CSMD1: variants seen among roughly 807,000 people sequenced by gnomAD.
CSMD1 encodes CUB and sushi domain-containing protein 1.
CSMD1 carries 213 observed loss-of-function variants against 417.5 expected under a neutral mutation model. The ratio of observed to expected loss-of-function variants is 0.51; its 90% CI spans 0.46 to 0.57. The LOEUF (loss-of-function observed/expected upper bound fraction) is 0.57, where lower values mean the gene tolerates loss of function less well. Ranked by LOEUF, CSMD1 falls within the 20% of genes least tolerant of loss-of-function variation. The probability of loss-of-function intolerance (pLI) is 0.00; values close to 1 mark genes in which losing one functional copy is unlikely to be tolerated. For missense variants in CSMD1, 6,923 were observed against 4,529.7 expected, an observed-to-expected ratio of 1.53 and a Z score of -15.17; for synonymous variants, 2,862 against 1,736.8, an observed-to-expected ratio of 1.65 and a Z score of -16.11.
At chr8:4,229,446 T>G (rs530634547) in intron 3 of CSMD1, among the ~76,000 whole-genome samples, 1 of 152,296 alleles carries the variant, frequency 6.6e-6, no homozygotes, top group East Asian at 1.9e-4. Context: ...TCAACAACCT[T>G]ACAGAAGACC....
chr8:3,187,947 C>A lies in CSMD1; in HGVS notation c.5542G>T (p.Ala1848Ser). ...SGIQIQVISF[A>S]TEQNWDSLEI... ...AGGGAGTCCCAGTTCTGCTCCGTGG[C>A]AAAACTGATCACTTGGATCTACCAA... The change falls in exon 36 of 70, where the codon GCC becomes TCC. Residue 1848 changes from alanine (A) to serine (S), a missense_variant. Transcript: ENST00000635120. 1 of 1,612,718 alleles carries A rather than the reference C, an allele frequency of 6.2e-7. No individual in the cohort carries two copies. Among genetic ancestry groups the A allele is most frequent in the Non-Finnish European group, 8.5e-7 (1 of 1,179,474 alleles).
chr8:4,787,156 T>C (rs529156590), intron 1 of CSMD1, among the ~76,000 whole-genome samples: 1 of 152,024 alleles, frequency 6.6e-6, no homozygotes, highest in Non-Finnish European at 1.5e-5. Context: ...CCCCTCCGGG[T>C]TCGGCCGCTG....
intron 51 of CSMD1, among the ~76,000 whole-genome samples, chr8:3,020,213 C>A (rs1403038226): frequency 6.6e-6 from 1 of 152,192 alleles, no homozygotes; most frequent in African/African-American, 2.4e-5. Context: ...CAAACGGAAG[C>A]CATCCCTCGC....
rs1054656347 is a variant in CSMD1 at position 4,260,065 on chromosome 8, C to T, written c.415+159888G>A. 9.9e-5 allele frequency among the ~76,000 whole-genome samples: 15 copies of T among 151,304 alleles called. 1 individual carries two copies. Among genetic ancestry groups the T allele is most frequent in the South Asian group, 2.1e-4 (1 of 4,786 alleles). On this transcript the variant is annotated intron_variant, in intron 3 of 69. Coordinates refer to ENST00000635120, the MANE Select transcript of CSMD1 (RefSeq NM_033225.6). ...CACATACTTGAAAGGGAAGTGTTGT[C>T]TTAGAGATCACAAACATCCATTTTA...
intron 21 of CSMD1, among the ~76,000 whole-genome samples, chr8:3,354,889 G>C (rs34438895): frequency 0.59 from 82,540 of 140,192 alleles, 26,235 homozygotes; most frequent in Non-Finnish European, 0.68. Context: ...CTATAGATAT[G>C]TCTATCTATA....
intron 2 of CSMD1, among the ~76,000 whole-genome samples, chr8:4,498,141 C>T (rs981349513): frequency 6.6e-6 from 1 of 152,132 alleles, no homozygotes; most frequent in African/African-American, 2.4e-5. Flanking sequence ...CTTAAAGTAA[C>T]CTAATCGGGG....
intron 18 of CSMD1, among the ~76,000 whole-genome samples, chr8:3,382,104 C>G (rs1017227822): frequency 2.0e-5 from 3 of 151,900 alleles, no homozygotes; most frequent in Non-Finnish European, 2.9e-5. Flanking sequence ...CTAAAAAATA[C>G]AAAAATTAGC....
At position 3,263,917 on chromosome 8, in the gene CSMD1, T is replaced by C. The variant is rs117675327; in HGVS notation, c.4153+20227A>G. On this transcript the variant is annotated intron_variant, in intron 26 of 69. Coordinates refer to ENST00000635120, the MANE Select transcript of CSMD1 (RefSeq NM_033225.6). ...TTTAAAGTTATTTTAAAAACACTTT[T>C]TACCTAATGGTAACGCTAACATTTA... 5.5e-3 allele frequency among the ~76,000 whole-genome samples: 833 copies of C among 152,338 alleles called. 2 individuals are homozygous for C. The highest frequency in any genetic ancestry group is 9.4e-3 in the Non-Finnish European group (641 of 68,028).
chr8:4,834,457 G>A (rs542433441), intron 1 of CSMD1, among the ~76,000 whole-genome samples: 10 of 152,308 alleles, frequency 6.6e-5, no homozygotes, highest in African/African-American at 2.4e-4. Flanking sequence ...ACATGCCCAT[G>A]TATTCACGCA....
chr8:4,189,475 T>C (rs1563246373), intron 3 of CSMD1, among the ~76,000 whole-genome samples: 1 of 152,138 alleles, frequency 6.6e-6, no homozygotes, highest in South Asian at 2.1e-4. Flanking sequence ...AAAAACAAAA[T>C]TTTTCCGCTA....
chr8:3,091,996 G>C (rs1814979921), intron 47 of CSMD1, among the ~76,000 whole-genome samples: 1 of 152,104 alleles, frequency 6.6e-6, no homozygotes, highest in South Asian at 2.1e-4. Flanking sequence ...CAGGAAAATA[G>C]AAACTTTCAT....
At chr8:3,819,428 A>G (rs1310104008) in intron 5 of CSMD1, among the ~76,000 whole-genome samples, 1 of 152,150 alleles carries the variant, frequency 6.6e-6, no homozygotes, top group Non-Finnish European at 1.5e-5. Flanking sequence ...AACAAGGTAA[A>G]GAAAGTTGGA....
chr8:3,722,769 T>C (rs985314208), intron 6 of CSMD1, among the ~76,000 whole-genome samples: 3 of 152,214 alleles, frequency 2.0e-5, no homozygotes, highest in African/African-American at 7.2e-5. Flanking sequence ...TGCTAGTCGT[T>C]AGCAGAATGC....
At chr8:3,215,752 A>C (rs902318407) in intron 29 of CSMD1, among the ~76,000 whole-genome samples, 1 of 152,220 alleles carries the variant, frequency 6.6e-6, no homozygotes, top group Non-Finnish European at 1.5e-5. Flanking sequence ...ATAACCCTGC[A>C]GTCTACCACC....
chr8:3,690,349 C>A (rs983065882), intron 7 of CSMD1, among the ~76,000 whole-genome samples: 1 of 152,250 alleles, frequency 6.6e-6, no homozygotes, highest in Admixed American at 6.5e-5. Context: ...GAACGAGACT[C>A]TGTCTCAAAA....
At chr8:3,524,632 CAG>C (rs1010563656) in intron 10 of CSMD1, among the ~76,000 whole-genome samples, 101 of 151,348 alleles carry the variant, frequency 6.7e-4, no homozygotes, top group African/African-American at 2.0e-3. Context: ...CATGCACACC[CAG>C]AGAGACATGT....
intron 3 of CSMD1, among the ~76,000 whole-genome samples, chr8:4,404,748 T>C (rs1319402230): frequency 6.6e-6 from 1 of 152,166 alleles, no homozygotes; most frequent in Non-Finnish European, 1.5e-5. Flanking sequence ...TTTATTTGGA[T>C]GGCACATATA....
chr8:3,558,989 G>C (rs1354151785), intron 10 of CSMD1, among the ~76,000 whole-genome samples: 2 of 152,196 alleles, frequency 1.3e-5, no homozygotes, highest in African/African-American at 2.4e-5. Context: ...TAAATGACTA[G>C]AAGTGGGACT....
At chr8:3,505,738 G>C (rs1351325677) in intron 10 of CSMD1, among the ~76,000 whole-genome samples, 2 of 152,300 alleles carry the variant, frequency 1.3e-5, no homozygotes, top group Middle Eastern at 3.4e-3. Flanking sequence ...ACGATGTTCT[G>C]CTTAGTATGT....
Sources: allele counts gnomAD v4.1 joint callset (sites outside exome capture counted in the v4.1 genomes callset), GRCh38; gene constraint gnomAD v4.1.1; transcripts MANE v1.5; gene names NCBI Gene and HGNC (gene_info 2026-07-23, HGNC 2026-07-21).